BRCA1: variants seen among roughly 807,000 people sequenced by gnomAD.
BRCA1 encodes BRCA1 DNA repair associated.
Under a neutral mutation model 173.7 loss-of-function variants are expected in BRCA1, and 140 were observed. The observed-to-expected ratio is 0.81, with a 90% CI of 0.70 to 0.93. BRCA1 has a LOEUF of 0.93. BRCA1 is among the 40% of genes least tolerant of loss of function. The probability of loss-of-function intolerance (pLI) is 0.00; values close to 1 mark genes in which losing one functional copy is unlikely to be tolerated. For missense variants in BRCA1, 1,983 were observed against 2,172.5 expected, an observed-to-expected ratio of 0.91 and a Z score of 1.73; for synonymous variants, 662 against 756.0, an observed-to-expected ratio of 0.88 and a Z score of 2.04.
chr17:43,166,683 A>T (rs2056270685), intron 1 of BRCA1: 1 of 152,242 alleles, frequency 6.6e-6, no homozygotes. Flanking sequence ...GCGCACACAC[A>T]GTTTTGCAGT....
At chr17:43,086,109 T>TACACACACACACACACACAC (rs376686434) in intron 11 of BRCA1, among the ~76,000 whole-genome samples, 1 of 137,358 alleles carries the variant, frequency 7.3e-6, no homozygotes, top group African/African-American at 2.7e-5. Flanking sequence ...ATCACATACA[T>TACACACACACACACACACAC]ACACACACAC....
At chr17:43,107,255 G>T (rs1223356534) in intron 3 of BRCA1, among the ~76,000 whole-genome samples, 1 of 151,250 alleles carries the variant, frequency 6.6e-6, no homozygotes, top group Admixed American at 6.6e-5. Flanking sequence ...AGTAGAGACG[G>T]GGTTTCACCA....
At chr17:43,165,697 C>CT (rs1260844770) in intron 1 of BRCA1, 2 of 151,484 alleles carry the variant, frequency 1.3e-5, no homozygotes, top group African/African-American at 4.8e-5. Context: ...ATATAATACT[C>CT]TTTTTATATA....
intron 11 of BRCA1, among the ~76,000 whole-genome samples, chr17:43,087,448 A>G (rs2053270194): frequency 6.6e-6 from 1 of 152,172 alleles, no homozygotes; most frequent in Non-Finnish European, 1.5e-5. Flanking sequence ...GGATCACTTG[A>G]GGCCAGGAGT....
intron 11 of BRCA1, 160 bp from the exon 12 acceptor site, chr17:43,082,735 T>TGAATGTG: frequency 2.7e-6 from 2 of 732,098 alleles, no homozygotes; most frequent in Non-Finnish European, 2.3e-6. Context: ...ACCACATTCA[T>TGAATGTG]GCAATTAATG....
At chr17:43,105,632 T>C (rs2054728475) in intron 4 of BRCA1, among the ~76,000 whole-genome samples, 1 of 152,166 alleles carries the variant, frequency 6.6e-6, no homozygotes, top group Non-Finnish European at 1.5e-5. Context: ...TATACTTCTT[T>C]GAAAACACAT....
At chr17:43,132,151 G>C (rs2055972334) in intron 1 of BRCA1, among the ~76,000 whole-genome samples, 1 of 152,210 alleles carries the variant, frequency 6.6e-6, no homozygotes, top group Admixed American at 6.5e-5. Context: ...AGGAACTGAG[G>C]CACAGAGAGG....
intron 1 of BRCA1, among the ~76,000 whole-genome samples, chr17:43,169,607 C>CG (rs1597951307): frequency 6.6e-6 from 1 of 152,100 alleles, no homozygotes; most frequent in African/African-American, 2.4e-5. Flanking sequence ...CCCCCTTCCC[C>CG]GGGGGGTTCA....
At chr17:43,079,572 G>A (rs1456276976) in intron 12 of BRCA1, 23 of 868,204 alleles carry the variant, frequency 2.6e-5, no homozygotes, top group African/African-American at 1.7e-4. Flanking sequence ...ATTAATGTGC[G>A]TATTGAGCAC....
At chr17:43,103,609 C>T (rs954326834) in intron 6 of BRCA1, among the ~76,000 whole-genome samples, 1 of 152,098 alleles carries the variant, frequency 6.6e-6, no homozygotes, top group Admixed American at 6.6e-5. Flanking sequence ...GGTACATTCA[C>T]CTCACCTGGC....
chr17:43,113,119 C>T (rs947500663), intron 3 of BRCA1, among the ~76,000 whole-genome samples: 35 of 151,366 alleles, frequency 2.3e-4, no homozygotes, highest in Admixed American at 5.3e-4. Context: ...GCTGTCTTTA[C>T]CTCCAACTTC....
At chr17:43,125,461 C>T (rs2055841031), upstream of BRCA1, 1 of 351,944 alleles carries the variant, frequency 2.8e-6, no homozygotes, top group East Asian at 7.6e-5. Flanking sequence ...GCAGCAGCCT[C>T]TCAGAATACG....
chr17:43,079,704 G>T lies in BRCA1; in HGVS notation c.4357+2700C>A. 2.3e-6 allele frequency: 3 copies of T among 1,313,782 alleles called. No homozygotes were observed. In the South Asian group the frequency reaches 3.5e-5, roughly 15 times the overall value. 81.4% of individuals were successfully genotyped at this position (1,313,782 alleles called of 1,614,324 possible). ...CTGAAGCACCAGCCTGCTCCACCCA[G>T]AGAAGCACACTTTGTGAGAACCAAT... On this transcript the variant is annotated intron_variant, in intron 12 of 22. Coordinates refer to ENST00000357654, the MANE Select transcript of BRCA1 (RefSeq NM_007294.4).
rs80357381 is a variant in BRCA1 at position 43,093,128 on chromosome 17, A to G, written c.2403T>C (p.Cys801=). ...LGKAKTEPNK[C]VSQCAAFENP... Reference sequence around the variant, plus strand: ...TTTCAAATGCTGCACACTGACTCACACATTTATTTGGTTCTGTTTTTGCCT... The same window carrying G: ...TTTCAAATGCTGCACACTGACTCACGCATTTATTTGGTTCTGTTTTTGCCT... Residue 801 remains cysteine, a synonymous_variant, in exon 10 of 23, where the codon TGT becomes TGC. Coordinates refer to ENST00000357654, the MANE Select transcript of BRCA1 (RefSeq NM_007294.4). 1 of 1,613,510 alleles carries G rather than the reference A, an allele frequency of 6.2e-7. No homozygotes were observed. Among genetic ancestry groups the G allele is most frequent in the African/African-American group, 1.3e-5 (1 of 75,002 alleles).
intron 18 of BRCA1, among the ~76,000 whole-genome samples, chr17:43,058,019 CAAAAAAAA>C (rs68106056): frequency 5.8e-5 from 2 of 34,500 alleles, no homozygotes; most frequent in South Asian, 2.5e-3. Context: ...AACTCTGTCT[CAAAAAAAA>C]AAAAAAAAAA....
At chr17:43,099,950 C>G in intron 6 of BRCA1, 70 bp from the exon 7 acceptor site, 1 of 1,194,920 alleles carries the variant, frequency 8.4e-7, no homozygotes, top group Non-Finnish European at 1.2e-6. Context: ...TGAAGAGAAA[C>G]TTGACACCAT....
At chr17:43,072,303 C>T (rs865956430) in intron 14 of BRCA1, among the ~76,000 whole-genome samples, 3 of 151,440 alleles carry the variant, frequency 2.0e-5, no homozygotes, top group Non-Finnish European at 2.9e-5. Flanking sequence ...GCAGGAGAAT[C>T]GCTCGAACCC....
At chr17:43,137,694 A>AT (rs1219426185) in intron 1 of BRCA1, among the ~76,000 whole-genome samples, 2 of 152,130 alleles carry the variant, frequency 1.3e-5, no homozygotes, top group Non-Finnish European at 2.9e-5. Flanking sequence ...CCTGGCTAAC[A>AT]TGGTGAAACT....
chr17:43,170,087 G>A (rs2056316463), intron 1 of BRCA1: 1 of 358,916 alleles, frequency 2.8e-6, no homozygotes. Flanking sequence ...TAGCGCGGGC[G>A]AGTGTGGGGC....
Sources: allele counts gnomAD v4.1 joint callset (sites outside exome capture counted in the v4.1 genomes callset), GRCh38; gene constraint gnomAD v4.1.1; transcripts MANE v1.5; gene names NCBI Gene and HGNC (gene_info 2026-07-23, HGNC 2026-07-21).